IL1RAP: variants seen among roughly 807,000 people sequenced by gnomAD.
IL1RAP encodes interleukin-1 receptor accessory protein.
In IL1RAP, 35 loss-of-function variants were observed where a neutral mutation model predicts 60.7. The observed-to-expected ratio is 0.58, with a 90% CI of 0.44 to 0.76. The LOEUF (loss-of-function observed/expected upper bound fraction) is 0.76. Among genes scored for constraint, IL1RAP ranks in the 30% least tolerant of loss-of-function variants. The pLI, the probability that IL1RAP is intolerant of heterozygous loss-of-function variation, is 0.00. For missense variants in IL1RAP, 572 were observed against 693.9 expected (o/e 0.82, Z 1.97); for synonymous variants, 268 against 250.9 (o/e 1.07, Z -0.64).
chr3:190,591,415 T>C (rs1577676604), intron 3 of IL1RAP, among the ~76,000 whole-genome samples: 1 of 152,146 alleles, frequency 6.6e-6, no homozygotes, highest in Non-Finnish European at 1.5e-5. Flanking sequence ...GTTTGGCCCC[T>C]CCCCACCACT....
At chr3:190,617,680 CATT>C (rs1366752289) in intron 5 of IL1RAP, among the ~76,000 whole-genome samples, 2 of 152,066 alleles carry the variant, frequency 1.3e-5, no homozygotes, top group African/African-American at 4.8e-5. Flanking sequence ...GTTTTGAAAT[CATT>C]ATAACATTTT....
chr3:190,531,483 C>A (rs1398890740), intron 1 of IL1RAP, among the ~76,000 whole-genome samples: 2 of 149,650 alleles, frequency 1.3e-5, no homozygotes, highest in Non-Finnish European at 3.0e-5. Flanking sequence ...TGAGTGGATA[C>A]CTTAACACCC....
At chr3:190,529,940 C>T (rs1322126776) in intron 1 of IL1RAP, among the ~76,000 whole-genome samples, 1 of 151,860 alleles carries the variant, frequency 6.6e-6, no homozygotes, top group African/African-American at 2.4e-5. Flanking sequence ...CAGTGATCAG[C>T]AACAACGTAT....
intron 2 of IL1RAP, among the ~76,000 whole-genome samples, chr3:190,556,696 A>G (rs1387441707): frequency 6.6e-6 from 1 of 152,226 alleles, no homozygotes; most frequent in Non-Finnish European, 1.5e-5. Flanking sequence ...CACAAAGTGT[A>G]GGGCATGGCA....
At chr3:190,540,353 C>A (rs1723825308) in intron 1 of IL1RAP, among the ~76,000 whole-genome samples, 1 of 151,948 alleles carries the variant, frequency 6.6e-6, no homozygotes, top group Non-Finnish European at 1.5e-5. Flanking sequence ...TGTAAGATGT[C>A]CATTTTGAAG....
Position 190,597,630 on chromosome 3 carries a change from C to G in IL1RAP, c.65-6498C>G, listed in dbSNP as rs959617455. Among the ~76,000 whole-genome samples, 9 of 152,074 alleles carry G rather than the reference C, an allele frequency of 5.9e-5. 1 individual carries two copies. Among genetic ancestry groups the G allele is most frequent in the Non-Finnish European group, 1.3e-4 (9 of 68,002 alleles). On this transcript the variant is annotated intron_variant, in intron 3 of 11. Transcript: ENST00000447382. ...ACTGGCCAGAGGAAATTCACATGGC[C>G]CCAACCCAATTACCAAAGAGAAGTA...
intron 3 of IL1RAP, among the ~76,000 whole-genome samples, chr3:190,593,261 C>T (rs953855376): frequency 2.6e-5 from 4 of 152,002 alleles, no homozygotes; most frequent in East Asian, 3.9e-4. Context: ...GTGATGAACA[C>T]GGGTTTGTAT....
At chr3:190,638,490 C>T (rs557383458) in intron 9 of IL1RAP, among the ~76,000 whole-genome samples, 22 of 152,246 alleles carry the variant, frequency 1.4e-4, no homozygotes, top group Admixed American at 3.9e-4. Context: ...AGCTGTTCTT[C>T]ATCTGTCCTG....
rs140609171 is a variant in IL1RAP, at chr3:190,601,119, G to T, written c.65-3009G>T. ...CCTGCCTCAGCTTTCCGAGCAGCTG[G>T]AATTACAGGCCTCTGCCACCATGCC... On this transcript the variant is annotated intron_variant, in intron 3 of 11. Coordinates refer to ENST00000447382, the MANE Select transcript of IL1RAP (RefSeq NM_002182.4). Among the ~76,000 whole-genome samples the T allele has an allele frequency of 9.3e-4, 141 of 152,234 alleles. 1 individual carries two copies. Among genetic ancestry groups the T allele is most frequent in the African/African-American group, 3.3e-3 (138 of 41,526 alleles).
intron 3 of IL1RAP, among the ~76,000 whole-genome samples, chr3:190,572,215 G>A (rs913170521): frequency 2.6e-5 from 4 of 152,058 alleles, no homozygotes; most frequent in Non-Finnish European, 5.9e-5. Flanking sequence ...ACTGATGTTT[G>A]ATTTTTAGAG....
At chr3:190,590,436 G>T (rs2108711136) in intron 3 of IL1RAP, among the ~76,000 whole-genome samples, 1 of 152,064 alleles carries the variant, frequency 6.6e-6, no homozygotes, top group Admixed American at 6.6e-5. Flanking sequence ...TTGTATTTTA[G>T]TAGAGATGGG....
chr3:190,543,043 G>A (rs961962027), intron 1 of IL1RAP, among the ~76,000 whole-genome samples: 2 of 151,978 alleles, frequency 1.3e-5, no homozygotes, highest in Non-Finnish European at 2.9e-5. Flanking sequence ...TCATTGGGTG[G>A]GGGCTCACTA....
At chr3:190,562,310 C>A (rs1725959518) in intron 2 of IL1RAP, among the ~76,000 whole-genome samples, 1 of 151,940 alleles carries the variant, frequency 6.6e-6, no homozygotes, top group Non-Finnish European at 1.5e-5. Flanking sequence ...CTTTGCTAAT[C>A]TTCAATAACA....
At chr3:190,534,184 G>A (rs1043288958) in intron 1 of IL1RAP, among the ~76,000 whole-genome samples, 18 of 151,972 alleles carry the variant, frequency 1.2e-4, no homozygotes, top group Admixed American at 3.3e-4. Context: ...CCTACCGATC[G>A]GTGCTGCAAC....
At position 190,600,023 on chromosome 3, in the gene IL1RAP, T is replaced by C. The variant is rs141098909; in HGVS notation, c.65-4105T>C. Among the ~76,000 whole-genome samples the C allele has an allele frequency of 5.3e-5, 8 of 152,226 alleles. No individual in the cohort carries two copies. In the East Asian group the frequency reaches 1.5e-3, roughly 29 times the overall value. On this transcript the variant is annotated intron_variant, in intron 3 of 11. Transcript: ENST00000447382. Reference sequence around the variant, plus strand: ...TTGAATAATTTGATTTTCTCCAAGTTCCTTTTACTTTTTTTTTTCTGACAT... The same window carrying C: ...TTGAATAATTTGATTTTCTCCAAGTCCCTTTTACTTTTTTTTTTCTGACAT...
downstream of IL1RAP, chr3:190,656,016 C>G (rs1332316776): frequency 6.5e-7 from 1 of 1,537,246 alleles, no homozygotes; most frequent in Non-Finnish European, 8.7e-7. Context: ...TGTGCCAGAA[C>G]TCCATTGCCA....
At chr3:190,575,628 C>G (rs143760983) in intron 3 of IL1RAP, among the ~76,000 whole-genome samples, 1 of 152,110 alleles carries the variant, frequency 6.6e-6, no homozygotes, top group Non-Finnish European at 1.5e-5. Flanking sequence ...AAGAAACATG[C>G]GACGAAGAGG....
At chr3:190,606,780 C>T (rs1467726379) in intron 4 of IL1RAP, among the ~76,000 whole-genome samples, 9 of 152,062 alleles carry the variant, frequency 5.9e-5, no homozygotes, top group African/African-American at 2.2e-4. Flanking sequence ...GAGGAAATGT[C>T]GAATCTGAGA....
intron 7 of IL1RAP, among the ~76,000 whole-genome samples, chr3:190,626,493 T>G (rs1179276079): frequency 1.3e-5 from 2 of 151,986 alleles, no homozygotes; most frequent in African/African-American, 4.8e-5. Flanking sequence ...GGTGGAGCAT[T>G]TCAAGGTGGG....
Sources: gnomAD v4.1 joint callset for allele counts (sites outside exome capture counted in the v4.1 genomes callset) on GRCh38, gnomAD v4.1.1 for gene constraint, MANE v1.5 for transcripts, NCBI Gene and HGNC (gene_info 2026-07-23, HGNC 2026-07-21) for gene names.